The following AKAP11 variants were observed in gnomAD, a reference collection of about 807,000 sequenced individuals.
The protein encoded by AKAP11 is A-kinase anchoring protein 11.
In AKAP11, 36 loss-of-function variants were observed where a neutral mutation model predicts 146.1. The observed-to-expected ratio is 0.25, with a 90% confidence interval of 0.19 to 0.33. AKAP11 has a LOEUF of 0.33. AKAP11 is among the 10% of genes least tolerant of loss of function. The pLI, the probability that AKAP11 is intolerant of heterozygous loss-of-function variation, is 1.00. For synonymous variants in AKAP11, 780 were observed against 786.5 expected (o/e 0.99, Z 0.14); for missense variants, 2,201 against 2,197.0 (o/e 1.00, Z -0.04).
chr13:42,286,246 C>A, intron 2 of AKAP11, 54 bp from the exon 3 acceptor site: 1 of 657,828 alleles, frequency 1.5e-6, no homozygotes, highest in Non-Finnish European at 2.5e-6. Flanking sequence ...GCACAAAATG[C>A]TTGCCTGAAT....
Position 42,299,498 on chromosome 13 carries a change from C to A in AKAP11, c.752C>A (p.Ser251Tyr). ...AAGTCATTGGCTAAACCCTCAACTT[C>A]CTCAGTGAATGTCCTGGGACATAAA... ...QQKSLAKPST[S>Y]SVNVLGHKEL... is the part of the protein sequence containing the mutation. The change falls in exon 8 of 13, where the codon TCC becomes TAC. Residue 251 changes from serine (S) to tyrosine (Y), a missense_variant. Physicochemically the swap from Ser to Tyr is moderately radical, Grantham distance 144 (BLOSUM62 -2). Transcript: ENST00000025301. 6.2e-7 allele frequency: 1 copy of A among 1,613,972 alleles called. No homozygotes were observed. The highest frequency in any genetic ancestry group is 8.5e-7 in the Non-Finnish European group (1 of 1,179,890).
chr13:42,287,587 TA>T (rs1959177194), intron 3 of AKAP11, among the ~76,000 whole-genome samples: 1 of 152,116 alleles, frequency 6.6e-6, no homozygotes, highest in Non-Finnish European at 1.5e-5. Flanking sequence ...TCTGGCCAAT[TA>T]CATTTTAAAG....
chr13:42,300,879 C>G lies in AKAP11; in HGVS notation c.2133C>G (p.Thr711=), dbSNP rs1280978192. 2 of 1,613,948 alleles carry G rather than the reference C, an allele frequency of 1.2e-6. No individual in the cohort carries two copies. The highest frequency in any genetic ancestry group is 1.7e-5 in the Admixed American group (1 of 59,994). The part of the protein sequence containing the change: ...AFIELSQVDV[T]FTTKAAVSVS... ...TTGAGCTATCACAAGTTGATGTGAC[C>G]TTTACAACAAAGGCAGCAGTTAGTG... Residue 711 remains threonine, a synonymous_variant, in exon 8 of 13, where the codon ACC becomes ACG. Coordinates refer to ENST00000025301, the MANE Select transcript of AKAP11 (RefSeq NM_016248.4).
At chr13:42,308,757 ATTGTTTTTAACACT>A (rs1330865206) in intron 9 of AKAP11, 148 bp downstream of exon 9, 1 of 679,464 alleles carries the variant, frequency 1.5e-6, no homozygotes, top group Non-Finnish European at 2.2e-6. Flanking sequence ...TGTATTTCTA[ATTGTTTTTAACACT>A]TATTTAATAC....
At chr13:42,305,669 A>G (rs1960218711) in intron 8 of AKAP11, among the ~76,000 whole-genome samples, 1 of 152,200 alleles carries the variant, frequency 6.6e-6, no homozygotes, top group African/African-American at 2.4e-5. Context: ...TTTGTGCTAT[A>G]ATGGCAGAGT....
intron 1 of AKAP11, among the ~76,000 whole-genome samples, chr13:42,275,198 G>A (rs1227441271): frequency 1.3e-5 from 2 of 152,186 alleles, no homozygotes; most frequent in African/African-American, 2.4e-5. Context: ...TACTCACGCA[G>A]GTCTGTTCCA....
In AKAP11 at chr13:42,301,862, C is replaced by A; in HGVS notation, c.3116C>A (p.Ser1039Tyr). The change falls in exon 8 of 13, where the codon TCT (serine) becomes TAT (tyrosine). Residue 1039 changes from serine (S) to tyrosine (Y), a missense_variant. Coordinates refer to ENST00000025301, the MANE Select transcript of AKAP11 (RefSeq NM_016248.4). ...VTGQKSDLKESAKDQPLKKHN... is the reference protein window; with the variant it reads ...VTGQKSDLKEYAKDQPLKKHN... ...GGTCAGAAATCTGACTTGAAGGAAT[C>A]TGCTAAGGATCAACCACTGAAAAAG... 1.2e-6 allele frequency: 2 copies of A among 1,614,146 alleles called. No individual in the cohort carries two copies. The highest frequency in any genetic ancestry group is 1.7e-6 in the Non-Finnish European group (2 of 1,180,002).
In AKAP11 at chr13:42,322,291, A is replaced by G. The variant is rs2138752329; in HGVS notation, c.*3063A>G. 1 of 152,394 alleles carries G rather than the reference A, an allele frequency of 6.6e-6. No individual in the cohort carries two copies. The highest frequency in any genetic ancestry group is 2.1e-4 in the South Asian group (1 of 4,830). The allele number at this position is 152,394 out of a possible 1,614,324, so 9.4% of individuals were successfully genotyped here. A position where few individuals can be genotyped will look rare whatever the true frequency, so the allele number is the denominator to read the frequency against. On this transcript the variant is annotated 3_prime_UTR_variant, in exon 13 of 13. Coordinates refer to ENST00000025301, the MANE Select transcript of AKAP11 (RefSeq NM_016248.4). ...CTTTATGTTGCTGGTAAGAGAATTT[A>G]TTTACTAAATGCACTATGTATAAAG...
chr13:42,300,272 C>A lies in AKAP11; in HGVS notation c.1526C>A (p.Thr509Asn), dbSNP rs768865494. The A allele has an allele frequency of 5.0e-6, 8 of 1,613,580 alleles. No individual in the cohort carries two copies. Among genetic ancestry groups the A allele is most frequent in the Admixed American group, 1.7e-5 (1 of 59,976 alleles). The change falls in exon 8 of 13, where the codon ACT becomes AAT. Residue 509 changes from threonine to asparagine, a missense_variant. Thr to Asn is a moderately conservative substitution (Grantham distance 65). Around this residue, in one of 3 missense-constraint regions of AKAP11, gnomAD observed 1,867 missense variants for 1,833.5 expected, o/e 1.02. Coordinates refer to ENST00000025301, the MANE Select transcript of AKAP11 (RefSeq NM_016248.4). ...GGCTCAGTTCTTCGTACCCACCATACTAATACCCTATCAAATATTAACAGT... is the reference window on the plus strand; with the variant it reads ...GGCTCAGTTCTTCGTACCCACCATAATAATACCCTATCAAATATTAACAGT... ...VLGSVLRTHH[T>N]NTLSNINSIK...
rs141728219 is a variant in AKAP11, at chr13:42,292,654, GA to G, written c.168+161del. On this transcript the variant is annotated intron_variant, in intron 4 of 12. Coordinates refer to ENST00000025301, the MANE Select transcript of AKAP11 (RefSeq NM_016248.4). ...TACCTGTTTTGTGGGCGGGAGAGGGGAAAAAAAAGAAGTACCTGTTTTAAAT... is the reference window on the plus strand; with the variant it reads ...TACCTGTTTTGTGGGCGGGAGAGGGGAAAAAAAGAAGTACCTGTTTTAAAT... 4.5e-3 allele frequency among the ~76,000 whole-genome samples: 677 copies of G among 151,672 alleles called. 15 individuals carry two copies. The East Asian group carries it at 0.047, about 11-fold the overall frequency.
chr13:42,292,916 G>A (rs1959281353), intron 4 of AKAP11, among the ~76,000 whole-genome samples: 2 of 152,040 alleles, frequency 1.3e-5, no homozygotes, highest in Non-Finnish European at 2.9e-5. Flanking sequence ...GATTAAAAAT[G>A]AAAAAGTAGT....
In AKAP11 at chr13:42,302,611, AGTT is replaced by A; in HGVS notation, c.3869_3871del (p.Cys1290del). On this transcript the variant is annotated inframe_deletion, in exon 8 of 13. Coordinates refer to ENST00000025301, the MANE Select transcript of AKAP11 (RefSeq NM_016248.4). ...TATGCTTTTCAAGCAAAAGAAGAACAGTTGTTATGCTGATGGTGACGAAGATTA... is the reference window on the plus strand; with the variant it reads ...TATGCTTTTCAAGCAAAAGAAGAACAGTTATGCTGATGGTGACGAAGATTA... 3.1e-6 allele frequency: 5 copies of A among 1,614,174 alleles called. No homozygotes were observed. The highest frequency in any genetic ancestry group is 3.4e-6 in the Non-Finnish European group (4 of 1,180,024).
At chr13:42,314,046 A>G in intron 11 of AKAP11, 106 bp downstream of exon 11, 4 of 1,121,636 alleles carry the variant, frequency 3.6e-6, no homozygotes, top group East Asian at 4.9e-5. Context: ...TCAGTGTAAA[A>G]CATTATAAAT....
Position 42,303,868 on chromosome 13 carries a change from G to C in AKAP11, c.5117+5G>C. 6.4e-7 allele frequency: 1 copy of C among 1,556,024 alleles called. No homozygotes were observed. Among genetic ancestry groups the C allele is most frequent in the Non-Finnish European group, 8.7e-7 (1 of 1,154,726 alleles). Reference sequence around the variant, plus strand: ...TGTTGGGCATGCTGTTAGCAGGTAAGTTTCACGTTTCTTTTGGTTGTTAAT... The same window carrying C: ...TGTTGGGCATGCTGTTAGCAGGTAACTTTCACGTTTCTTTTGGTTGTTAAT... On this transcript the variant is annotated splice_donor_5th_base_variant and intron_variant, in intron 8 of 12. Coordinates refer to ENST00000025301, the MANE Select transcript of AKAP11 (RefSeq NM_016248.4).
rs1353048854 is a variant in AKAP11 at position 42,323,198 on chromosome 13, C to G, written c.*3970C>G. 1 of 152,646 alleles carries G rather than the reference C, an allele frequency of 6.6e-6. No individual in the cohort carries two copies. Among genetic ancestry groups the G allele is most frequent in the Non-Finnish European group, 1.5e-5 (1 of 68,010 alleles). 9.5% of individuals were successfully genotyped at this position (152,646 alleles called of 1,614,324 possible). A position where few individuals can be genotyped will look rare whatever the true frequency, so the allele number is the denominator to read the frequency against. ...TGCAATTAATTGTTCTTTTATCTTA[C>G]AATTGTTTAAGCCTGTGATCTTTCT... On this transcript the variant is annotated 3_prime_UTR_variant, in exon 13 of 13. Coordinates refer to ENST00000025301, the MANE Select transcript of AKAP11 (RefSeq NM_016248.4).
At chr13:42,294,768 C>G (rs1482811296) in intron 4 of AKAP11, among the ~76,000 whole-genome samples, 1 of 151,914 alleles carries the variant, frequency 6.6e-6, no homozygotes. Context: ...TATCATTGAT[C>G]TTATGACTTA....
At chr13:42,308,903 T>A (rs547260623) in intron 9 of AKAP11, among the ~76,000 whole-genome samples, 1 of 60,144 alleles carries the variant, frequency 1.7e-5, no homozygotes, top group Non-Finnish European at 3.6e-5. Flanking sequence ...TGAGGAAAAA[T>A]TTTTTTTTTC....
intron 1 of AKAP11, among the ~76,000 whole-genome samples, chr13:42,278,456 T>C (rs1958980396): frequency 1.3e-5 from 2 of 152,190 alleles, no homozygotes; most frequent in South Asian, 4.1e-4. Context: ...ATTATTCTGT[T>C]TTATTTTTCT....
At chr13:42,283,975 A>G (rs916066730) in intron 1 of AKAP11, among the ~76,000 whole-genome samples, 1 of 152,158 alleles carries the variant, frequency 6.6e-6, no homozygotes, top group African/African-American at 2.4e-5. Flanking sequence ...GAACCAGACT[A>G]TAAAACCTTT....
Sources: allele counts gnomAD v4.1 joint callset (sites outside exome capture counted in the v4.1 genomes callset), GRCh38; gene constraint gnomAD v4.1.1; regional missense constraint gnomAD v4.1.1; transcripts MANE v1.5; gene names NCBI Gene and HGNC (gene_info 2026-07-23, HGNC 2026-07-21).